The following RAB11FIP2 variants were observed in gnomAD, a reference collection of about 807,000 sequenced individuals.
RAB11FIP2 encodes the protein rab11 family-interacting protein 2.
In RAB11FIP2, 16 loss-of-function variants were observed where a neutral mutation model predicts 40.9. The ratio of observed to expected loss-of-function variants is 0.39; its 90% CI spans 0.26 to 0.59. The LOEUF is 0.59. RAB11FIP2 is among the 20% of genes least tolerant of loss of function. The pLI, the probability that RAB11FIP2 is intolerant of heterozygous loss-of-function variation, is 0.53. For synonymous variants in RAB11FIP2, 228 were observed against 213.7 expected (o/e 1.07, Z -0.58); for missense variants, 532 against 606.2 (o/e 0.88, Z 1.28).
intron 3 of RAB11FIP2, among the ~76,000 whole-genome samples, chr10:118,023,634 C>A (rs968202238): frequency 6.6e-6 from 1 of 152,038 alleles, no homozygotes; most frequent in Non-Finnish European, 1.5e-5. Flanking sequence ...GTCAGTGACA[C>A]CAAAGATCAC....
At chr10:118,044,784 T>C (rs1846605324) in intron 1 of RAB11FIP2, among the ~76,000 whole-genome samples, 1 of 152,084 alleles carries the variant, frequency 6.6e-6, no homozygotes, top group African/African-American at 2.4e-5. Context: ...AAAATATCAT[T>C]GTAAGAAAGT....
rs1302291354 is a variant in RAB11FIP2, at chr10:118,045,893, G to A, written c.271C>T (p.Leu91=). ...ILFLIVMHRS[L]VGLDKFLGQV... is the part of the protein sequence containing the mutation. ...CCTAAAAATTTATCCAGACCCACCA[G>A]GGACCTGTGCATAACTATAAGGAAA... The change falls in exon 1 of 5, where the codon CTG becomes TTG. Residue 91 remains leucine (L), a synonymous_variant. Coordinates refer to ENST00000355624, the MANE Select transcript of RAB11FIP2 (RefSeq NM_014904.3). 6 of 1,614,156 alleles carry A rather than the reference G, an allele frequency of 3.7e-6. No homozygotes were observed. The highest frequency in any genetic ancestry group is 5.1e-6 in the Non-Finnish European group (6 of 1,180,026).
At chr10:118,035,088 C>T (rs1036522373) in intron 3 of RAB11FIP2, among the ~76,000 whole-genome samples, 7 of 152,108 alleles carry the variant, frequency 4.6e-5, no homozygotes, top group East Asian at 1.9e-4. Flanking sequence ...TCTCCTCCTG[C>T]GCTGCACTGA....
chr10:118,027,836 T>C (rs1035570226), intron 3 of RAB11FIP2, among the ~76,000 whole-genome samples: 3 of 152,186 alleles, frequency 2.0e-5, no homozygotes, highest in Admixed American at 6.5e-5. Context: ...AAGAGCTTTA[T>C]TGCCGTTTAC....
chr10:118,027,247 G>A (rs894139318), intron 3 of RAB11FIP2, among the ~76,000 whole-genome samples: 2 of 152,102 alleles, frequency 1.3e-5, no homozygotes, highest in East Asian at 1.9e-4. Flanking sequence ...GTAAGGCCAC[G>A]CGGCTAACAG....
rs934534452 is a variant in RAB11FIP2, at chr10:118,040,384, T to C, written c.535A>G (p.Thr179Ala). The C allele has an allele frequency of 4.3e-6, 7 of 1,613,696 alleles. No homozygotes were observed. The highest frequency in any genetic ancestry group is 3.3e-5 in the Admixed American group (2 of 59,984). Residue 179 changes from threonine (T) to alanine (A), a missense_variant, in exon 2 of 5, where the codon ACA becomes GCA. Physicochemically the swap from Thr to Ala is moderately conservative, Grantham distance 58. Coordinates refer to ENST00000355624, the MANE Select transcript of RAB11FIP2 (RefSeq NM_014904.3). ...ATTGCAGAAGACGTATCAGAAAATG[T>C]TCCATCATTTTTTCTACCCTTCATC... The part of the protein sequence containing the change: ...DKMKGRKNDG[T>A]FSDTSSAIIP...
chr10:118,023,850 G>C (rs896350947), intron 3 of RAB11FIP2, among the ~76,000 whole-genome samples: 2 of 152,098 alleles, frequency 1.3e-5, no homozygotes, highest in African/African-American at 4.8e-5. Context: ...TCAGCACTCT[G>C]GGAGGAGGCA....
rs528262984 is a variant in RAB11FIP2, at chr10:118,026,827, T to G, written c.1266-11717A>C. Among the ~76,000 whole-genome samples, 5 of 152,332 alleles carry G rather than the reference T, an allele frequency of 3.3e-5. No individual in the cohort carries two copies. The South Asian group carries it at 1.0e-3, about 32-fold the overall frequency. On this transcript the variant is annotated intron_variant, in intron 3 of 4. Coordinates refer to ENST00000355624, the MANE Select transcript of RAB11FIP2 (RefSeq NM_014904.3). ...TTTCTACTTAATACAGAGAATACTT[T>G]TACTTAATTTCAATGTGGTTTTAGT...
intron 1 of RAB11FIP2, among the ~76,000 whole-genome samples, chr10:118,042,703 T>G (rs1317289922): frequency 6.6e-6 from 1 of 152,226 alleles, no homozygotes; most frequent in Non-Finnish European, 1.5e-5. Context: ...TACAACTGTG[T>G]GTGTGTGTGT....
rs113908303 is a variant in RAB11FIP2 at position 118,023,768 on chromosome 10, T to C, written c.1266-8658A>G. On this transcript the variant is annotated intron_variant, in intron 3 of 4. Transcript: ENST00000355624. Reference sequence around the variant, plus strand: ...AAATTAAGGCTTGGTTTGACTATTATAATAGTCAATCAAGTCTAACTTACA... The same window carrying C: ...AAATTAAGGCTTGGTTTGACTATTACAATAGTCAATCAAGTCTAACTTACA... Among the ~76,000 whole-genome samples the C allele has an allele frequency of 5.2e-3, 799 of 152,258 alleles. 7 individuals are homozygous for C. The highest frequency in any genetic ancestry group is 0.019 in the African/African-American group (770 of 41,528).
intron 3 of RAB11FIP2, among the ~76,000 whole-genome samples, chr10:118,019,386 A>G (rs1846257038): frequency 6.6e-6 from 1 of 152,224 alleles, no homozygotes. Context: ...AAGGGGCAAG[A>G]CAGGAGTAAC....
Position 118,008,650 on chromosome 10 carries a change from C to A in RAB11FIP2, c.*348G>T. On this transcript the variant is annotated 3_prime_UTR_variant, in exon 5 of 5. Transcript: ENST00000355624. ...GAAACCAGCCACAGGATCAATTCTG[C>A]TTTATGAAAAATCTATTCCTGAGGA... 4.7e-6 allele frequency: 1 copy of A among 211,184 alleles called. No individual in the cohort carries two copies. Among genetic ancestry groups the A allele is most frequent in the Non-Finnish European group, 9.6e-6 (1 of 103,742 alleles). 13.1% of individuals were successfully genotyped at this position (211,184 alleles called of 1,614,324 possible).
intron 3 of RAB11FIP2, among the ~76,000 whole-genome samples, chr10:118,030,557 G>A (rs1846400638): frequency 6.6e-6 from 1 of 152,040 alleles, no homozygotes; most frequent in Admixed American, 6.6e-5. Context: ...TAAAATTAAA[G>A]ATGCTTTTCT....
intron 3 of RAB11FIP2, among the ~76,000 whole-genome samples, chr10:118,024,091 A>G (rs1450623745): frequency 6.9e-6 from 1 of 145,460 alleles, no homozygotes; most frequent in Non-Finnish European, 1.5e-5. Context: ...CTCTGTCTTA[A>G]AAAAAAAAAA....
chr10:118,015,157 A>G, intron 3 of RAB11FIP2, 47 bp from the exon 4 acceptor site: 1 of 1,513,866 alleles, frequency 6.6e-7, no homozygotes, highest in Non-Finnish European at 9.1e-7. Context: ...CTCATGTGGG[A>G]GGAAACATAA....
In RAB11FIP2 at chr10:118,040,288, G is replaced by C. The variant is rs1564695189; in HGVS notation, c.631C>G (p.Pro211Ala). The C allele has an allele frequency of 6.2e-7, 1 of 1,613,852 alleles. No individual in the cohort carries two copies. ...SSGEIQMKSK[P>A]KKPFLLGPQR... ...GGACCCAAGAGAAAAGGCTTTTTTG[G>C]TTTGGATTTCATCTGTATTTCACCA... is the stretch of plus-strand genomic sequence containing the variant. The change falls in exon 2 of 5, where the codon CCA becomes GCA. Residue 211 changes from proline (P) to alanine (A), a missense_variant. Physicochemically the swap from Pro to Ala is conservative, Grantham distance 27 (BLOSUM62 -1). Transcript: ENST00000355624.
intron 1 of RAB11FIP2, 32 bp from the exon 2 acceptor site, chr10:118,040,597 C>T (rs757984931): frequency 4.1e-6 from 6 of 1,458,306 alleles, no homozygotes; most frequent in African/African-American, 2.8e-5. Context: ...TTGGCTGTAA[C>T]ACATAATAGA....
At chr10:118,010,895 T>C (rs1347553817) in intron 4 of RAB11FIP2, among the ~76,000 whole-genome samples, 2 of 151,876 alleles carry the variant, frequency 1.3e-5, no homozygotes, top group East Asian at 3.9e-4. Context: ...TGGAAAATAC[T>C]GTACAGGACA....
chr10:118,024,524 G>A (rs1424473582), intron 3 of RAB11FIP2, among the ~76,000 whole-genome samples: 2 of 128,864 alleles, frequency 1.6e-5, no homozygotes, highest in African/African-American at 5.9e-5. Context: ...AACAAGTCCT[G>A]TTCATTTTAG....
Sources: gnomAD v4.1 joint callset for allele counts (sites outside exome capture counted in the v4.1 genomes callset) on GRCh38, gnomAD v4.1.1 for gene constraint, MANE v1.5 for transcripts, NCBI Gene and HGNC (gene_info 2026-07-23, HGNC 2026-07-21) for gene names.